CFAP206: variants seen among roughly 807,000 people sequenced by gnomAD.
The protein encoded by CFAP206 is cilia- and flagella-associated protein 206.
In CFAP206, 53 loss-of-function variants were observed where a neutral mutation model predicts 65.4. That is an observed-to-expected ratio of 0.81 (90% CI 0.65 to 1.02). CFAP206 has a LOEUF of 1.02. CFAP206 is among the 50% of genes least tolerant of loss of function. The pLI, the probability that CFAP206 is intolerant of heterozygous loss-of-function variation, is 0.00. For missense variants in CFAP206, 663 were observed against 753.2 expected (o/e 0.88, Z 1.40); for synonymous variants, 250 against 254.4 (o/e 0.98, Z 0.17).
intron 11 of CFAP206, among the ~76,000 whole-genome samples, chr6:87,439,898 A>T (rs1209888645): frequency 1.3e-5 from 2 of 152,094 alleles, no homozygotes; most frequent in African/African-American, 4.8e-5. Context: ...TCCTATACTG[A>T]TATCTTCAAT....
At chr6:87,440,268 A>T (rs1346768997) in intron 11 of CFAP206, among the ~76,000 whole-genome samples, 1 of 152,120 alleles carries the variant, frequency 6.6e-6, no homozygotes, top group East Asian at 1.9e-4. Context: ...ATTATTGCTT[A>T]TATTATGGAA....
intron 11 of CFAP206, among the ~76,000 whole-genome samples, chr6:87,445,891 G>A (rs1240199634): frequency 2.0e-5 from 3 of 151,910 alleles, no homozygotes; most frequent in Non-Finnish European, 4.4e-5. Flanking sequence ...TTTAATAATC[G>A]CCATTCTGAC....
At chr6:87,452,624 A>G (rs1219074763) in intron 11 of CFAP206, among the ~76,000 whole-genome samples, 1 of 152,134 alleles carries the variant, frequency 6.6e-6, no homozygotes, top group Non-Finnish European at 1.5e-5. Context: ...CCATCAGATA[A>G]ATTTAACAAA....
At chr6:87,431,646 GTCCCA>G (rs1768160310) in intron 10 of CFAP206, among the ~76,000 whole-genome samples, 1 of 152,082 alleles carries the variant, frequency 6.6e-6, no homozygotes, top group South Asian at 2.1e-4. Context: ...CACGCCTGTA[GTCCCA>G]GCTACTTGGG....
chr6:87,408,315 G>T (rs1218801500), intron 1 of CFAP206, among the ~76,000 whole-genome samples: 6 of 152,250 alleles, frequency 3.9e-5, no homozygotes, highest in Non-Finnish European at 8.8e-5. Flanking sequence ...TCTAGCCTTT[G>T]CGCGGGTGCC....
At chr6:87,444,649 G>A in intron 11 of CFAP206, 1 of 292,718 alleles carries the variant, frequency 3.4e-6, no homozygotes, top group Non-Finnish European at 6.7e-6. Context: ...GGAAAAGAGA[G>A]CCTACTGAGT....
intron 11 of CFAP206, among the ~76,000 whole-genome samples, chr6:87,443,892 G>A (rs71572761): frequency 8.5e-5 from 13 of 152,052 alleles, no homozygotes; most frequent in Admixed American, 3.3e-4. Flanking sequence ...TTTCTGTTCC[G>A]GCATTAATTT....
chr6:87,444,610 T>G, intron 11 of CFAP206: 2 of 314,376 alleles, frequency 6.4e-6, no homozygotes, highest in Non-Finnish European at 1.2e-5. Flanking sequence ...TCATGAACAT[T>G]AACAGGCCTT....
At chr6:87,417,569 T>A (rs1226559320) in intron 6 of CFAP206, among the ~76,000 whole-genome samples, 1 of 151,350 alleles carries the variant, frequency 6.6e-6, no homozygotes, top group African/African-American at 2.4e-5. Context: ...TTTTTTTTTT[T>A]AATAACTAGA....
chr6:87,443,209 T>C (rs1387600717), intron 11 of CFAP206, among the ~76,000 whole-genome samples: 1 of 152,152 alleles, frequency 6.6e-6, no homozygotes, highest in Non-Finnish European at 1.5e-5. Context: ...TGCATTTTTC[T>C]AGGAATTTAT....
At chr6:87,449,459 A>T (rs957926518) in intron 11 of CFAP206, among the ~76,000 whole-genome samples, 2 of 151,190 alleles carry the variant, frequency 1.3e-5, no homozygotes, top group African/African-American at 4.9e-5. Context: ...AAAAAAAAAA[A>T]AAGAGTTCCC....
In CFAP206 at chr6:87,419,660, T is replaced by C. The variant is rs1355306584; in HGVS notation, c.840+1244T>C. Among the ~76,000 whole-genome samples, 5 of 152,216 alleles carry C rather than the reference T, an allele frequency of 3.3e-5. No individual in the cohort carries two copies. The East Asian group carries it at 9.6e-4, about 29-fold the overall frequency. ...TAATTTCTTGAGGGATAGAATAGGA[T>C]GTATTCTGACCACCTCTTCTTTTTA... On this transcript the variant is annotated intron_variant, in intron 7 of 12. Transcript: ENST00000369562.
At chr6:87,423,895 AT>A (rs1230764284) in intron 7 of CFAP206, among the ~76,000 whole-genome samples, 1 of 152,246 alleles carries the variant, frequency 6.6e-6, no homozygotes, top group African/African-American at 2.4e-5. Context: ...TAATACAATG[AT>A]AATAGTTGAT....
intron 11 of CFAP206, among the ~76,000 whole-genome samples, chr6:87,447,368 C>T (rs926314613): frequency 2.0e-5 from 3 of 152,026 alleles, no homozygotes; most frequent in Non-Finnish European, 2.9e-5. Context: ...CCATCAATAC[C>T]TAGTTGATTG....
chr6:87,462,816 T>C (rs1162391321), intron 12 of CFAP206, among the ~76,000 whole-genome samples: 2 of 152,198 alleles, frequency 1.3e-5, no homozygotes, highest in African/African-American at 4.8e-5. Context: ...TTGGGCCTTA[T>C]TATTCCCTAG....
Position 87,461,179 on chromosome 6 carries a change from C to T in CFAP206, c.1638+14C>T, listed in dbSNP as rs1440834497. ...GCTATAAAATTGGTTTGTAACAATA[C>T]TTTCTAGAATTATTTATATGTTGGG... On this transcript the variant is annotated intron_variant, in intron 12 of 12. Transcript: ENST00000369562. 6.6e-7 allele frequency: 1 copy of T among 1,509,228 alleles called. No homozygotes were observed. The highest frequency in any genetic ancestry group is 1.4e-5 in the African/African-American group (1 of 69,338). 93.5% of individuals were successfully genotyped at this position (1,509,228 alleles called of 1,614,324 possible).
chr6:87,450,070 G>A (rs1768512460), intron 11 of CFAP206, among the ~76,000 whole-genome samples: 2 of 152,128 alleles, frequency 1.3e-5, no homozygotes, highest in South Asian at 4.1e-4. Context: ...CATTTATTGA[G>A]GAGACTGTCC....
intron 11 of CFAP206, among the ~76,000 whole-genome samples, chr6:87,446,887 T>A (rs546192749): frequency 5.3e-5 from 8 of 152,284 alleles, no homozygotes; most frequent in African/African-American, 1.9e-4. Flanking sequence ...GGTTTATAGT[T>A]CTCCTTGAAG....
At chr6:87,433,916 T>C (rs538660094) in intron 10 of CFAP206, among the ~76,000 whole-genome samples, 1 of 149,762 alleles carries the variant, frequency 6.7e-6, no homozygotes, top group African/African-American at 2.5e-5. Context: ...CCTGACCAAT[T>C]TGATGAAACC....
Sources: allele counts gnomAD v4.1 joint callset (sites outside exome capture counted in the v4.1 genomes callset), GRCh38; gene constraint gnomAD v4.1.1; transcripts MANE v1.5; gene names NCBI Gene and HGNC (gene_info 2026-07-23, HGNC 2026-07-21).